Variants in WDFY4 observed in about 807,000 individuals in gnomAD.
WDFY4 encodes the protein WD repeat- and FYVE domain-containing protein 4.
Under a neutral mutation model 351.9 loss-of-function variants are expected in WDFY4, and 169 were observed. That is an observed-to-expected ratio of 0.48 (90% CI 0.42 to 0.55). The LOEUF (loss-of-function observed/expected upper bound fraction) is 0.55. WDFY4 is among the 20% of genes least tolerant of loss of function. WDFY4 has a pLI of 0.00. For missense variants in WDFY4, 3,803 were observed against 3,935.6 expected, an observed-to-expected ratio of 0.97 and a Z score of 0.90; for synonymous variants, 1,622 against 1,574.6, an observed-to-expected ratio of 1.03 and a Z score of -0.71.
chr10:48,898,374 G>A (rs1837194229), intron 45 of WDFY4, among the ~76,000 whole-genome samples: 2 of 152,122 alleles, frequency 1.3e-5, no homozygotes, highest in South Asian at 4.1e-4. Flanking sequence ...TGGGCCTCCA[G>A]GGCAGCTGGC....
rs774724495 is a variant in WDFY4, at chr10:48,828,809, C to T, written c.6253C>T (p.Pro2085Ser). The change falls in exon 37 of 62, where the codon CCT becomes TCT. Residue 2085 changes from proline to serine, a missense_variant. Pro to Ser is a moderately conservative substitution (Grantham distance 74, BLOSUM62 -1). Transcript: ENST00000325239. Reference sequence around the variant, plus strand: ...AGAAGGATTTGGATTGGAGCCCAAGCCTAGAATGTCTACTTATCATCAAGT... The same window carrying T: ...AGAAGGATTTGGATTGGAGCCCAAGTCTAGAATGTCTACTTATCATCAAGT... ...YPEGFGLEPK[P>S]RMSTYHQVFL... The T allele has an allele frequency of 5.2e-6, 8 of 1,549,460 alleles. No homozygotes were observed. The Admixed American group carries it at 1.4e-4, about 27-fold the overall frequency.
intron 58 of WDFY4, among the ~76,000 whole-genome samples, chr10:48,975,434 T>G (rs1023354908): frequency 2.6e-5 from 4 of 152,230 alleles, no homozygotes; most frequent in African/African-American, 4.8e-5. Context: ...CCTTCCATAC[T>G]GGCTAACAAA....
chr10:48,796,377 C>T lies in WDFY4; in HGVS notation c.4337C>T (p.Thr1446Ile), dbSNP rs1334007590. ...IFQLILSVAG[T>I]VELGFRSSAI... ...CAGCTGATCCTCTCAGTGGCTGGCA[C>T]TGTGGAGCTGGGCTTCAGGTCATCT... Residue 1446 changes from threonine to isoleucine, a missense_variant, in exon 24 of 62, where the codon ACT becomes ATT. Transcript: ENST00000325239. The T allele has an allele frequency of 6.4e-7, 1 of 1,552,274 alleles. No homozygotes were observed. The highest frequency in any genetic ancestry group is 1.2e-5 in the South Asian group (1 of 84,068).
At chr10:48,875,064 T>A (rs1361113061) in intron 41 of WDFY4, 25 bp from the exon 42 acceptor site, 1 of 1,434,752 alleles carries the variant, frequency 7.0e-7, no homozygotes, top group African/African-American at 1.5e-5. Context: ...GGATTTAATT[T>A]TTCTTTTCAA....
intron 47 of WDFY4, among the ~76,000 whole-genome samples, chr10:48,921,377 G>A (rs1187342811): frequency 6.6e-6 from 1 of 152,094 alleles, no homozygotes; most frequent in Admixed American, 6.5e-5. Flanking sequence ...GAGAGAAAAT[G>A]AACTCTTTAA....
At chr10:48,757,471 T>G (rs2065371141) in intron 12 of WDFY4, among the ~76,000 whole-genome samples, 1 of 152,074 alleles carries the variant, frequency 6.6e-6, no homozygotes, top group Non-Finnish European at 1.5e-5. Flanking sequence ...ATGGTATAAA[T>G]TTTTCTATCC....
intron 20 of WDFY4, among the ~76,000 whole-genome samples, chr10:48,787,306 C>T (rs1470543359): frequency 6.6e-6 from 1 of 152,228 alleles, no homozygotes; most frequent in Non-Finnish European, 1.5e-5. Flanking sequence ...AAGGGGTCAG[C>T]TCCCATCTGG....
intron 12 of WDFY4, among the ~76,000 whole-genome samples, chr10:48,747,521 T>G (rs774205595): frequency 1.3e-5 from 2 of 152,182 alleles, no homozygotes; most frequent in African/African-American, 4.8e-5. Context: ...TTAATCTTTC[T>G]TTTACATTTT....
intron 44 of WDFY4, among the ~76,000 whole-genome samples, chr10:48,894,451 A>G (rs752014399): frequency 1.3e-5 from 2 of 152,240 alleles, no homozygotes; most frequent in Non-Finnish European, 2.9e-5. Flanking sequence ...CTTGAGGACC[A>G]CATGACCTTG....
chr10:48,691,090 C>T (rs183046611), intron 1 of WDFY4, among the ~76,000 whole-genome samples: 2 of 152,316 alleles, frequency 1.3e-5, no homozygotes, highest in East Asian at 3.9e-4. Context: ...TCATCACAGC[C>T]TGAGGCAGGG....
intron 39 of WDFY4, among the ~76,000 whole-genome samples, chr10:48,834,551 C>T (rs2068311997): frequency 1.3e-5 from 2 of 152,212 alleles, no homozygotes; most frequent in African/African-American, 4.8e-5. Context: ...GATATGTGTA[C>T]CAAGTCCTAA....
In WDFY4 at chr10:48,811,550, A is replaced by G; in HGVS notation, c.5056A>G (p.Ser1686Gly). ...GVDIVMDNLK[S>G]QSPLPEQSPC... ...TGCCTGATCAATAGACAACCTGAAG[A>G]GCCAGTCACCACTGCCTGAGCAAAG... is the stretch of plus-strand genomic sequence containing the variant. The change falls in exon 30 of 62, where the codon AGC (serine) becomes GGC (glycine). Residue 1686 changes from serine to glycine, a missense_variant. Around this residue, in one of 3 missense-constraint regions of WDFY4, gnomAD observed 3,054 missense variants for 3,148.6 expected, o/e 0.97. Coordinates refer to ENST00000325239, the MANE Select transcript of WDFY4 (RefSeq NM_001394531.1). 2 of 1,552,216 alleles carry G rather than the reference A, an allele frequency of 1.3e-6. No homozygotes were observed. Among genetic ancestry groups the G allele is most frequent in the South Asian group, 2.4e-5 (2 of 84,054 alleles).
At chr10:48,968,293 G>T (rs1007546235) in intron 55 of WDFY4, 1 of 152,322 alleles carries the variant, frequency 6.6e-6, no homozygotes, top group African/African-American at 2.4e-5. Context: ...ACACACACTG[G>T]GCCTTGCTTT....
intron 47 of WDFY4, among the ~76,000 whole-genome samples, chr10:48,938,265 C>G (rs1412270003): frequency 6.6e-6 from 1 of 152,216 alleles, no homozygotes; most frequent in African/African-American, 2.4e-5. Context: ...GCTCGGGGTC[C>G]CAGGTTAACC....
chr10:48,735,776 A>G (rs2064638673), intron 10 of WDFY4, 104 bp from the exon 11 acceptor site: 3 of 1,218,898 alleles, frequency 2.5e-6, no homozygotes, highest in Non-Finnish European at 3.3e-6. Context: ...AAAAAATAGC[A>G]AAATGAAGTT....
chr10:48,745,832 C>T, intron 12 of WDFY4: 1 of 341,500 alleles, frequency 2.9e-6, no homozygotes, highest in Non-Finnish European at 5.5e-6. Context: ...CATCGAACAC[C>T]TCGGCGTCCA....
At chr10:48,937,445 T>C (rs547642667) in intron 47 of WDFY4, among the ~76,000 whole-genome samples, 120 of 152,278 alleles carry the variant, frequency 7.9e-4, no homozygotes, top group African/African-American at 2.8e-3. Context: ...AGCGTGTCGG[T>C]GTTTATGCTG....
chr10:48,723,540 T>C lies in WDFY4; in HGVS notation c.564T>C (p.Asp188=), dbSNP rs373740565. The C allele has an allele frequency of 1.9e-6, 3 of 1,551,824 alleles. No individual in the cohort carries two copies. The highest frequency in any genetic ancestry group is 1.7e-6 in the Non-Finnish European group (2 of 1,147,072). ...PLDKDELLES[D]LQVQKMFVQM... is the part of the protein sequence containing the mutation. ...ACAAAGATGAGCTTCTTGAGAGTGA[T>C]CTTCAAGTTCAAAAGATGTTCGTGC... Residue 188 remains aspartate, a synonymous_variant, in exon 5 of 62, where the codon GAT becomes GAC. Transcript: ENST00000325239.
At chr10:48,787,064 G>T (rs1031915493) in intron 20 of WDFY4, among the ~76,000 whole-genome samples, 194 bp downstream of exon 20, 1 of 152,206 alleles carries the variant, frequency 6.6e-6, no homozygotes, top group Non-Finnish European at 1.5e-5. Context: ...AATATCTTTA[G>T]ATTTCAACTC....
Sources: allele counts gnomAD v4.1 joint callset (sites outside exome capture counted in the v4.1 genomes callset), GRCh38; gene constraint gnomAD v4.1.1; regional missense constraint gnomAD v4.1.1; transcripts MANE v1.5; gene names NCBI Gene and HGNC (gene_info 2026-07-23, HGNC 2026-07-21).